STAG1: variants seen among roughly 807,000 people sequenced by gnomAD.
STAG1 encodes the protein cohesin subunit SA-1.
In STAG1, 26 loss-of-function variants were observed where a neutral mutation model predicts 170.9. The observed-to-expected ratio is 0.15, with a 90% CI of 0.11 to 0.21. STAG1 has a LOEUF of 0.21. Ranked by LOEUF, STAG1 falls within the 10% of genes least tolerant of loss-of-function variation. STAG1 has a pLI of 1.00. For synonymous variants in STAG1, 514 were observed against 497.7 expected, an observed-to-expected ratio of 1.03 and a Z score of -0.44; for missense variants, 964 against 1,509.5, an observed-to-expected ratio of 0.64 and a Z score of 5.99.
At chr3:136,476,066 C>T (rs370279700) in intron 10 of STAG1, among the ~76,000 whole-genome samples, 4 of 152,308 alleles carry the variant, frequency 2.6e-5, no homozygotes, top group South Asian at 4.2e-4. Flanking sequence ...GAATCTTGAA[C>T]TCCCCATTTC....
rs187052718 is a variant in STAG1, at chr3:136,456,302, T to A, written c.1314-4155A>T. On this transcript the variant is annotated intron_variant, in intron 13 of 33. Transcript: ENST00000383202. ...CAAATTTGAAAAACAAAATGAGAAA[T>A]ATGATGAATAGAAACAATTTTTAAA... 2.0e-4 allele frequency among the ~76,000 whole-genome samples: 30 copies of A among 152,046 alleles called. No homozygotes were observed. The East Asian group carries it at 3.7e-3, about 19-fold the overall frequency.
At chr3:136,589,756 C>T (rs551849912) in intron 4 of STAG1, among the ~76,000 whole-genome samples, 16 of 150,816 alleles carry the variant, frequency 1.1e-4, no homozygotes, top group Admixed American at 2.6e-4. Context: ...CATAGTGAAA[C>T]GCTGTCTCTA....
intron 7 of STAG1, among the ~76,000 whole-genome samples, chr3:136,513,882 T>A (rs1292139709): frequency 6.6e-6 from 1 of 151,750 alleles, no homozygotes; most frequent in Non-Finnish European, 1.5e-5. Context: ...GCAGAAACAA[T>A]TAAGTAGCAT....
chr3:136,603,636 G>A (rs191900216), intron 4 of STAG1, among the ~76,000 whole-genome samples: 28 of 152,278 alleles, frequency 1.8e-4, no homozygotes, highest in Middle Eastern at 3.4e-3. Flanking sequence ...TGTAATCCCA[G>A]TACTTTGGGA....
intron 21 of STAG1, among the ~76,000 whole-genome samples, chr3:136,403,224 T>TAAAAAAAAAAAAAAAAAA (rs55678408): frequency 2.4e-4 from 8 of 33,598 alleles, no homozygotes; most frequent in African/African-American, 3.0e-4. Flanking sequence ...GAGACTGTCT[T>TAAAAAAAAAAAAAAAAAA]AAAAAAAAAA....
intron 6 of STAG1, among the ~76,000 whole-genome samples, chr3:136,527,113 G>C (rs958929919): frequency 2.6e-5 from 4 of 152,102 alleles, no homozygotes; most frequent in African/African-American, 9.7e-5. Context: ...GACATTCTCT[G>C]TATTTCCTGA....
At chr3:136,741,473 A>G (rs1178991221) in intron 1 of STAG1, among the ~76,000 whole-genome samples, 3 of 148,798 alleles carry the variant, frequency 2.0e-5, no homozygotes, top group Non-Finnish European at 3.0e-5. Context: ...GTTGGAAGGA[A>G]TTTTTTTTTT....
At chr3:136,602,356 C>T (rs986657600) in intron 4 of STAG1, among the ~76,000 whole-genome samples, 8 of 134,284 alleles carry the variant, frequency 6.0e-5, no homozygotes, top group Non-Finnish European at 1.1e-4. Flanking sequence ...TCCAGCCTGG[C>T]GACAGAGAGA....
At chr3:136,485,458 A>G (rs377591211) in intron 9 of STAG1, among the ~76,000 whole-genome samples, 1 of 152,110 alleles carries the variant, frequency 6.6e-6, no homozygotes, top group Non-Finnish European at 1.5e-5. Flanking sequence ...TTCTGTCTAA[A>G]AAGAAAAAAA....
At chr3:136,413,006 G>C (rs2107714018) in intron 21 of STAG1, among the ~76,000 whole-genome samples, 1 of 151,342 alleles carries the variant, frequency 6.6e-6, no homozygotes, top group East Asian at 1.9e-4. Flanking sequence ...GGGATTACAG[G>C]GACGTGCCAC....
intron 1 of STAG1, among the ~76,000 whole-genome samples, chr3:136,662,837 A>C (rs1410552153): frequency 6.6e-6 from 1 of 152,180 alleles, no homozygotes; most frequent in Non-Finnish European, 1.5e-5. Context: ...GGATCACCTG[A>C]GGTGAGGAGT....
intron 3 of STAG1, 54 bp downstream of exon 3, chr3:136,623,092 A>T: frequency 6.8e-7 from 1 of 1,464,336 alleles, no homozygotes. Context: ...ACTCATATAA[A>T]CTCATTAACA....
rs777733725 is a variant in STAG1, at chr3:136,568,807, G to C, written c.352C>G (p.Leu118Val). Residue 118 changes from leucine to valine, a missense_variant, in exon 5 of 34, where the codon CTG (leucine) becomes GTG (valine). By Grantham distance (32) the Leu-to-Val change is conservative (BLOSUM62 1). Around this residue, in one of 11 missense-constraint regions of STAG1, gnomAD observed 33 missense variants for 86.0 expected, o/e 0.38. Coordinates refer to ENST00000383202, the MANE Select transcript of STAG1 (RefSeq NM_005862.3). ...TGGATAAAAAAGTTGATTAAATCCAGAAGTGCGATGTCCCTGTCTTGTTTA... is the reference window on the plus strand; with the variant it reads ...TGGATAAAAAAGTTGATTAAATCCACAAGTGCGATGTCCCTGTCTTGTTTA... ...SYKQDRDIAL[L>V]DLINFFIQCS... 6.2e-7 allele frequency: 1 copy of C among 1,612,458 alleles called. No homozygotes were observed. The highest frequency in any genetic ancestry group is 8.5e-7 in the Non-Finnish European group (1 of 1,179,528).
At chr3:136,628,462 A>G (rs1016124168) in intron 2 of STAG1, among the ~76,000 whole-genome samples, 16 of 151,922 alleles carry the variant, frequency 1.1e-4, no homozygotes, top group Admixed American at 4.6e-4. Flanking sequence ...AGTGCTGGAG[A>G]AAAAAAAGGG....
At chr3:136,541,867 A>C (rs1198011071) in intron 6 of STAG1, among the ~76,000 whole-genome samples, 1 of 152,184 alleles carries the variant, frequency 6.6e-6, no homozygotes, top group Non-Finnish European at 1.5e-5. Context: ...CAAAATAAAT[A>C]TCAAGAATCT....
At chr3:136,529,258 C>A (rs539276106) in intron 6 of STAG1, among the ~76,000 whole-genome samples, 1 of 152,288 alleles carries the variant, frequency 6.6e-6, no homozygotes, top group African/African-American at 2.4e-5. Context: ...TAGATGGAAA[C>A]TTCCCAAGTC....
Position 136,521,200 on chromosome 3 carries a change from G to C in STAG1, c.676+13C>G, listed in dbSNP as rs372081060. The C allele has an allele frequency of 4.6e-5, 74 of 1,604,322 alleles. No homozygotes were observed. In the African/African-American group the frequency reaches 7.4e-4, roughly 16 times the overall value. On this transcript the variant is annotated intron_variant, in intron 7 of 33. Coordinates refer to ENST00000383202, the MANE Select transcript of STAG1 (RefSeq NM_005862.3). ...AAACTAAATGAAAAGGAAATAAAAT[G>C]TTAATTACTTACCAGCCAGGGTACT...
At chr3:136,540,726 G>T (rs926477843) in intron 6 of STAG1, among the ~76,000 whole-genome samples, 3 of 146,024 alleles carry the variant, frequency 2.1e-5, no homozygotes, top group African/African-American at 7.5e-5. Context: ...GGAGGCTGAG[G>T]CATGAGAACT....
At chr3:136,584,801 C>A (rs1323657552) in intron 4 of STAG1, among the ~76,000 whole-genome samples, 1 of 152,176 alleles carries the variant, frequency 6.6e-6, no homozygotes, top group Non-Finnish European at 1.5e-5. Context: ...GTCCTCTCTG[C>A]ATCCAGTTAG....
Sources: gnomAD v4.1 joint callset for allele counts (sites outside exome capture counted in the v4.1 genomes callset) on GRCh38, gnomAD v4.1.1 for gene constraint, gnomAD v4.1.1 regional missense constraint, MANE v1.5 for transcripts, NCBI Gene and HGNC (gene_info 2026-07-23, HGNC 2026-07-21) for gene names.